Variants in ELOC observed in about 807,000 individuals in gnomAD.
ELOC encodes the protein elongin-C.
For synonymous variants in ELOC, 40 were observed against 51.3 expected (o/e 0.78, Z 0.94); for missense variants, 38 against 139.0 (o/e 0.27, Z 3.65).
intron 3 of ELOC, among the ~76,000 whole-genome samples, chr8:73,953,208 A>C (rs1045608334): frequency 3.3e-5 from 5 of 152,160 alleles, no homozygotes; most frequent in African/African-American, 1.2e-4. Flanking sequence ...CAGGAGGCTG[A>C]GGCATGAGAA....
At chr8:73,963,273 T>C (rs1362460680) in intron 1 of ELOC, among the ~76,000 whole-genome samples, 1 of 152,198 alleles carries the variant, frequency 6.6e-6, no homozygotes, top group Non-Finnish European at 1.5e-5. Flanking sequence ...GATATTTGAA[T>C]AGCTTATCCT....
At chr8:73,954,858 C>A (rs1814044194) in intron 3 of ELOC, among the ~76,000 whole-genome samples, 1 of 150,964 alleles carries the variant, frequency 6.6e-6, no homozygotes, top group Non-Finnish European at 1.5e-5. Flanking sequence ...ATGGTGAAAA[C>A]CCCGTCTCTA....
chr8:73,958,639 T>C (rs1003124287), intron 2 of ELOC, among the ~76,000 whole-genome samples: 1 of 152,104 alleles, frequency 6.6e-6, no homozygotes, highest in African/African-American at 2.4e-5. Flanking sequence ...AAAAGAAAAA[T>C]AAAAATGGTT....
intron 1 of ELOC, chr8:73,964,718 A>C (rs1189293674): frequency 6.6e-6 from 1 of 152,092 alleles, no homozygotes; most frequent in Admixed American, 6.6e-5. Flanking sequence ...CTCCAAAACA[A>C]AACTTCTGTT....
At position 73,956,311 on chromosome 8, in the gene ELOC, G is replaced by A. The variant is rs183425243; in HGVS notation, c.5-257C>T. On this transcript the variant is annotated intron_variant, in intron 2 of 3. Transcript: ENST00000520242. ...GAGGCAGGAGAATCACTTGAACCTC[G>A]GAGGTGGAGGCTGCAGTGAGCCGAG... Among the ~76,000 whole-genome samples the A allele has an allele frequency of 7.4e-4, 112 of 152,202 alleles. 1 individual carries two copies. Among genetic ancestry groups the A allele is most frequent in the African/African-American group, 8.7e-4 (36 of 41,552 alleles).
intron 1 of ELOC, among the ~76,000 whole-genome samples, chr8:73,965,354 G>A (rs1437067324): frequency 6.6e-6 from 1 of 152,160 alleles, no homozygotes; most frequent in Non-Finnish European, 1.5e-5. Context: ...AGGATGTGGA[G>A]CAAATGAATT....
chr8:73,955,752 G>T (rs1473048438), intron 3 of ELOC, 159 bp downstream of exon 3: 1 of 862,508 alleles, frequency 1.2e-6, no homozygotes, highest in Non-Finnish European at 1.8e-6. Flanking sequence ...GCAACAGAAT[G>T]AGACTCTGTC....
At chr8:73,951,970 T>C (rs1337140340) in intron 3 of ELOC, among the ~76,000 whole-genome samples, 2 of 152,186 alleles carry the variant, frequency 1.3e-5, no homozygotes, top group Admixed American at 6.5e-5. Context: ...TGCAAAAGAA[T>C]GAAGCTGATC....
chr8:73,960,802 G>A (rs1814536372), intron 1 of ELOC, among the ~76,000 whole-genome samples: 1 of 152,102 alleles, frequency 6.6e-6, no homozygotes. Context: ...AGGACATGAA[G>A]TAACTTCCAT....
At chr8:73,959,906 T>A in intron 1 of ELOC, 88 bp from the exon 2 acceptor site, 1 of 585,226 alleles carries the variant, frequency 1.7e-6, no homozygotes, top group East Asian at 3.4e-5. Flanking sequence ...GTGTTAAAAG[T>A]TTAAGAACTC....
intron 1 of ELOC, chr8:73,970,638 C>A (rs1378143818): frequency 2.0e-5 from 3 of 152,086 alleles, no homozygotes; most frequent in African/African-American, 4.8e-5. Context: ...TAAACTGCTA[C>A]GTTTCAACAT....
intron 3 of ELOC, 106 bp from the exon 4 acceptor site, chr8:73,946,926 A>AACTTATCTC: frequency 3.3e-6 from 3 of 916,096 alleles, no homozygotes; most frequent in Non-Finnish European, 4.9e-6. Context: ...GTATTTAGAG[A>AACTTATCTC]TAAGTTCTTT....
At chr8:73,958,637 A>G (rs1176812227) in intron 2 of ELOC, among the ~76,000 whole-genome samples, 1 of 152,226 alleles carries the variant, frequency 6.6e-6, no homozygotes, top group African/African-American at 2.4e-5. Flanking sequence ...AAAAAAGAAA[A>G]ATAAAAATGG....
At chr8:73,957,598 C>T (rs543667932) in intron 2 of ELOC, among the ~76,000 whole-genome samples, 3 of 152,272 alleles carry the variant, frequency 2.0e-5, no homozygotes, top group Admixed American at 6.5e-5. Context: ...CAAAATCACT[C>T]ATGTGCTCCC....
chr8:73,970,182 G>A (rs1445029479), intron 1 of ELOC, among the ~76,000 whole-genome samples: 1 of 152,174 alleles, frequency 6.6e-6, no homozygotes, highest in Non-Finnish European at 1.5e-5. Context: ...GTTGAGGCTA[G>A]AGTGAGCCGT....
chr8:73,961,392 ATG>A lies in ELOC; in HGVS notation c.-50-1576_-50-1575del, dbSNP rs575936938. ...CTCTCTAATGCCTCAGGTTTAAATA[ATG>A]TCATCCATGTAGAGAGGATAAATAA... On this transcript the variant is annotated intron_variant, in intron 1 of 3. Coordinates refer to ENST00000520242, the MANE Select transcript of ELOC (RefSeq NM_005648.4). Among the ~76,000 whole-genome samples the A allele has an allele frequency of 3.2e-3, 491 of 152,374 alleles. 2 individuals are homozygous for A. Among genetic ancestry groups the A allele is most frequent in the African/African-American group, 0.011 (475 of 41,598 alleles).
intron 1 of ELOC, among the ~76,000 whole-genome samples, chr8:73,965,792 T>A (rs1473949933): frequency 1.3e-5 from 2 of 152,232 alleles, no homozygotes; most frequent in East Asian, 3.8e-4. Flanking sequence ...CTAATTAAGC[T>A]TTTGAAAGTG....
At position 73,958,709 on chromosome 8, in the gene ELOC, G is replaced by C. The variant is rs545503451; in HGVS notation, c.4+1056C>G. Among the ~76,000 whole-genome samples the C allele has an allele frequency of 2.0e-5, 3 of 152,232 alleles. No homozygotes were observed. The South Asian group carries it at 6.2e-4, about 32-fold the overall frequency. The stretch of plus-strand genomic sequence containing the variant: ...ACAGAAAACATTGTATGTTTGTCAG[G>C]AGAGTTTCAAATTTCTTAAGGTAAA... On this transcript the variant is annotated intron_variant, in intron 2 of 3. Transcript: ENST00000520242.
chr8:73,953,738 G>A (rs951161754), intron 3 of ELOC, among the ~76,000 whole-genome samples: 1 of 151,720 alleles, frequency 6.6e-6, no homozygotes, highest in Non-Finnish European at 1.5e-5. Context: ...CTAGGACACC[G>A]TTGGTAGAAA....
Sources: allele counts gnomAD v4.1 joint callset (sites outside exome capture counted in the v4.1 genomes callset), GRCh38; gene constraint gnomAD v4.1.1; transcripts MANE v1.5; gene names NCBI Gene and HGNC (gene_info 2026-07-23, HGNC 2026-07-21).